The following MDN1 variants were observed in gnomAD, a reference collection of about 807,000 sequenced individuals.
The protein encoded by MDN1 is midasin AAA ATPase 1.
A neutral mutation model predicts 669.2 loss-of-function variants in MDN1; 266 were observed. The observed-to-expected ratio is 0.40, with a 90% CI of 0.36 to 0.44. The LOEUF is 0.44. Ranked by LOEUF, MDN1 falls within the 20% of genes least tolerant of loss-of-function variation. MDN1 has a pLI of 1.00. For synonymous variants in MDN1, 2,385 were observed against 2,457.1 expected (o/e 0.97, Z 0.87); for missense variants, 5,940 against 6,754.0 (o/e 0.88, Z 4.22).
Position 89,694,197 on chromosome 6 carries a change from G to C in MDN1, c.9772-14C>G, listed in dbSNP as rs1463807351. 9.4e-6 allele frequency: 15 copies of C among 1,601,984 alleles called. No homozygotes were observed. The highest frequency in any genetic ancestry group is 2.2e-5 in the East Asian group (1 of 44,838). ...CAGTTGGTGTAACTAATGGAAAAGA[G>C]AGAAGTTAGTCCACTGTGTCCCAGC... is the stretch of plus-strand genomic sequence containing the variant. On this transcript the variant is annotated splice_polypyrimidine_tract_variant and intron_variant, in intron 61 of 101. Transcript: ENST00000369393.
chr6:89,679,974 G>A (rs1485577677), intron 74 of MDN1, among the ~76,000 whole-genome samples: 1 of 152,196 alleles, frequency 6.6e-6, no homozygotes, highest in Non-Finnish European at 1.5e-5. Flanking sequence ...AGCTCCCTGA[G>A]ATTAGATGCA....
chr6:89,672,763 G>A, intron 80 of MDN1, 61 bp from the exon 81 acceptor site: 1 of 1,547,088 alleles, frequency 6.5e-7, no homozygotes, highest in Non-Finnish European at 8.8e-7. Context: ...ATTTGCTTTA[G>A]TGCCTCTGGA....
At chr6:89,694,280 G>A in intron 61 of MDN1, 97 bp from the exon 62 acceptor site, 2 of 1,023,738 alleles carry the variant, frequency 2.0e-6, no homozygotes, top group Non-Finnish European at 1.5e-6. Context: ...AAGATGGAAG[G>A]AATCTGGGTT....
At chr6:89,795,303 A>C (rs1296990596) in intron 2 of MDN1, among the ~76,000 whole-genome samples, 1 of 152,200 alleles carries the variant, frequency 6.6e-6, no homozygotes, top group Non-Finnish European at 1.5e-5. Flanking sequence ...TAAGGAAGAC[A>C]GCCACTTTTA....
intron 85 of MDN1, 72 bp from the exon 86 acceptor site, chr6:89,663,039 G>T: frequency 6.4e-7 from 1 of 1,556,322 alleles, no homozygotes; most frequent in South Asian, 1.1e-5. Flanking sequence ...GAGAGGTGTG[G>T]ACCCGCTTCC....
At chr6:89,817,680 C>T (rs984979346) in intron 1 of MDN1, among the ~76,000 whole-genome samples, 3 of 152,162 alleles carry the variant, frequency 2.0e-5, no homozygotes, top group African/African-American at 4.8e-5. Context: ...ACATTAACAA[C>T]GGGAGGTGAC....
chr6:89,818,839 T>C lies in MDN1; in HGVS notation c.102+667A>G, dbSNP rs557532856. Among the ~76,000 whole-genome samples the C allele has an allele frequency of 3.3e-5, 5 of 150,984 alleles. No homozygotes were observed. The East Asian group carries it at 7.8e-4, about 24-fold the overall frequency. ...AAAAAAAAAGTGTCTTCAACTCAGA[T>C]AGAAGGAGTCAATGAGAAGGTTCTT... On this transcript the variant is annotated intron_variant, in intron 1 of 101. Coordinates refer to ENST00000369393, the MANE Select transcript of MDN1 (RefSeq NM_014611.3).
chr6:89,783,566 G>C (rs1172826815), intron 9 of MDN1, among the ~76,000 whole-genome samples: 2 of 152,132 alleles, frequency 1.3e-5, no homozygotes, highest in Non-Finnish European at 2.9e-5. Flanking sequence ...TTTGCCTTGT[G>C]ATCTTTGATA....
At chr6:89,705,428 T>A (rs1813448537) in intron 53 of MDN1, among the ~76,000 whole-genome samples, 1 of 152,204 alleles carries the variant, frequency 6.6e-6, no homozygotes, top group African/African-American at 2.4e-5. Context: ...GATTAAAAAT[T>A]CCATTTAATC....
rs769043926 is a variant in MDN1, at chr6:89,712,053, T to C, written c.7634A>G (p.Asn2545Ser). ...CTACTCACCAAGCCCCTGCGGTATATTCTTGGCTAAATGATAAAGCCATTT... is the reference window on the plus strand; with the variant it reads ...CTACTCACCAAGCCCCTGCGGTATACTCTTGGCTAAATGATAAAGCCATTT... ...RVKWLYHLAK[N>S]IPQGLESIQI... The change falls in exon 49 of 102, where the codon AAT (asparagine) becomes AGT (serine). Residue 2545 changes from asparagine to serine, a missense_variant. Coordinates refer to ENST00000369393, the MANE Select transcript of MDN1 (RefSeq NM_014611.3). The C allele has an allele frequency of 4.3e-6, 7 of 1,613,896 alleles. 1 individual carries two copies. The highest frequency in any genetic ancestry group is 5.9e-6 in the Non-Finnish European group (7 of 1,179,922).
intron 31 of MDN1, among the ~76,000 whole-genome samples, chr6:89,741,611 C>T (rs1816303623): frequency 6.6e-6 from 1 of 151,772 alleles, no homozygotes; most frequent in Non-Finnish European, 1.5e-5. Flanking sequence ...TATTATAAAA[C>T]CTAAGATTAG....
At chr6:89,688,541 T>A (rs372000032) in intron 66 of MDN1, 32 bp downstream of exon 66, 1 of 1,591,412 alleles carries the variant, frequency 6.3e-7, no homozygotes, top group Admixed American at 1.7e-5. Flanking sequence ...GACTCAGTAC[T>A]GTGAGCACTC....
Position 89,645,155 on chromosome 6 carries a change from T to C in MDN1, c.16462A>G (p.Thr5488Ala). ...QQLSQNISSETAQLLLVVSDG... is the reference protein window; with the variant it reads ...QQLSQNISSEAAQLLLVVSDG... Reference sequence around the variant, plus strand: ...GAGACTACCAGGAGGAGTTGTGCAGTTTCTGTAGACCATATAAGACGAAGC... The same window carrying C: ...GAGACTACCAGGAGGAGTTGTGCAGCTTCTGTAGACCATATAAGACGAAGC... The change falls in exon 101 of 102, where the codon ACT becomes GCT. Residue 5488 changes from threonine to alanine, a missense_variant and splice_region_variant. Thr to Ala is a moderately conservative substitution (Grantham distance 58). Coordinates refer to ENST00000369393, the MANE Select transcript of MDN1 (RefSeq NM_014611.3). 2 of 1,603,036 alleles carry C rather than the reference T, an allele frequency of 1.2e-6. No homozygotes were observed. The highest frequency in any genetic ancestry group is 1.7e-6 in the Non-Finnish European group (2 of 1,170,810).
intron 15 of MDN1, among the ~76,000 whole-genome samples, chr6:89,763,693 A>G (rs1269647524): frequency 1.3e-5 from 2 of 152,150 alleles, no homozygotes; most frequent in Non-Finnish European, 2.9e-5. Context: ...GTACCAAAAT[A>G]TGTTTCACAA....
intron 50 of MDN1, 74 bp from the exon 51 acceptor site, chr6:89,708,702 T>C: frequency 6.6e-7 from 1 of 1,508,938 alleles, no homozygotes; most frequent in Non-Finnish European, 9.1e-7. Flanking sequence ...TTCAGTTGAA[T>C]ATTTTCATTG....
intron 40 of MDN1, 117 bp from the exon 41 acceptor site, chr6:89,719,342 T>G: frequency 2.6e-6 from 2 of 764,562 alleles, no homozygotes; most frequent in Non-Finnish European, 4.4e-6. Flanking sequence ...CTGGCCACAA[T>G]TCCCTTATCC....
In MDN1 at chr6:89,672,551, ATCT is replaced by A. The variant is rs1562066094; in HGVS notation, c.13623_13625del (p.Glu4541del). ...TCTGCCTGATTTCAGACATACCATA[ATCT>A]TCTTGTGGGCTTGCTTGGTCAGTGT... is the stretch of plus-strand genomic sequence containing the variant. On this transcript the variant is annotated inframe_deletion, in exon 81 of 102. Coordinates refer to ENST00000369393, the MANE Select transcript of MDN1 (RefSeq NM_014611.3). 1.9e-6 allele frequency: 3 copies of A among 1,611,268 alleles called. No individual in the cohort carries two copies. The highest frequency in any genetic ancestry group is 2.5e-6 in the Non-Finnish European group (3 of 1,179,180).
intron 15 of MDN1, among the ~76,000 whole-genome samples, chr6:89,770,070 C>G (rs1818003118): frequency 2.0e-5 from 3 of 152,002 alleles, no homozygotes; most frequent in South Asian, 4.2e-4. Flanking sequence ...TGCACTCCAG[C>G]CTTGGTGACA....
At chr6:89,745,789 C>T (rs1336193179) in intron 27 of MDN1, among the ~76,000 whole-genome samples, 163 bp from the exon 28 acceptor site, 1 of 152,178 alleles carries the variant, frequency 6.6e-6, no homozygotes, top group Non-Finnish European at 1.5e-5. Context: ...TATACCTGCC[C>T]TATGCCTCAG....
Sources: gnomAD v4.1 joint callset for allele counts (sites outside exome capture counted in the v4.1 genomes callset) on GRCh38, gnomAD v4.1.1 for gene constraint, MANE v1.5 for transcripts, NCBI Gene and HGNC (gene_info 2026-07-23, HGNC 2026-07-21) for gene names.